The following ASH1L variants were observed in gnomAD, a reference collection of about 807,000 sequenced individuals.
ASH1L encodes the protein ASH1 like histone lysine methyltransferase, also known as histone-lysine N-methyltransferase ASH1L.
Under a neutral mutation model 269.0 loss-of-function variants are expected in ASH1L, and 23 were observed. The ratio of observed to expected loss-of-function variants is 0.09; its 90% CI spans 0.06 to 0.12. ASH1L has a LOEUF of 0.12. Among genes scored for constraint, ASH1L ranks in the 10% least tolerant of loss-of-function variants. ASH1L has a pLI of 1.00. For missense variants in ASH1L, 2,912 were observed against 3,567.8 expected, an observed-to-expected ratio of 0.82 and a Z score of 4.68; for synonymous variants, 1,187 against 1,253.5, an observed-to-expected ratio of 0.95 and a Z score of 1.12.
Position 155,458,933 on chromosome 1 carries a change from G to A in ASH1L, c.5086+864C>T, listed in dbSNP as rs184858478. On this transcript the variant is annotated intron_variant, in intron 4 of 27. Transcript: ENST00000392403. ...AACCATCAGGAAAAGGCAGAAAACA[G>A]GTATAAATCATCCTCTCTCTTTTTT... 2.7e-5 allele frequency among the ~76,000 whole-genome samples: 4 copies of A among 148,796 alleles called. No individual in the cohort carries two copies. The East Asian group carries it at 7.9e-4, about 29-fold the overall frequency.
chr1:155,441,786 G>A (rs1461519832), intron 4 of ASH1L, among the ~76,000 whole-genome samples: 5 of 140,324 alleles, frequency 3.6e-5, no homozygotes, highest in Non-Finnish European at 7.6e-5. Context: ...TTTTTTTGGA[G>A]ACAGGGTCTC....
chr1:155,420,862 A>AG (rs1660619940), intron 5 of ASH1L, among the ~76,000 whole-genome samples: 1 of 150,512 alleles, frequency 6.6e-6, no homozygotes, highest in Admixed American at 6.7e-5. Flanking sequence ...AAAAAAAAAA[A>AG]ATCAAAGATA....
chr1:155,392,675 G>A (rs1433859380), intron 7 of ASH1L, among the ~76,000 whole-genome samples: 4 of 152,050 alleles, frequency 2.6e-5, no homozygotes, highest in African/African-American at 9.7e-5. Flanking sequence ...TTTTAGTGCA[G>A]ATGGGGTTTC....
chr1:155,358,711 A>C (rs1339251753), intron 13 of ASH1L: 1 of 152,066 alleles, frequency 6.6e-6, no homozygotes, highest in Non-Finnish European at 1.5e-5. Flanking sequence ...TAAAAAAAAA[A>C]AAAAACATGA....
chr1:155,551,403 G>A (rs1469909198), intron 1 of ASH1L, among the ~76,000 whole-genome samples: 1 of 152,098 alleles, frequency 6.6e-6, no homozygotes, highest in Non-Finnish European at 1.5e-5. Flanking sequence ...GCTCACGCCT[G>A]TAATCCCAGC....
chr1:155,399,628 G>A (rs1370602432), intron 6 of ASH1L, among the ~76,000 whole-genome samples: 1 of 151,910 alleles, frequency 6.6e-6, no homozygotes, highest in Non-Finnish European at 1.5e-5. Flanking sequence ...GATAAAGTGA[G>A]GCTGTCCCAC....
chr1:155,468,141 A>G (rs1302947260), intron 3 of ASH1L, among the ~76,000 whole-genome samples: 1 of 151,950 alleles, frequency 6.6e-6, no homozygotes, highest in Non-Finnish European at 1.5e-5. Context: ...TGTTCTGTAA[A>G]AGCTTCTCAG....
intron 1 of ASH1L, among the ~76,000 whole-genome samples, chr1:155,549,306 G>A (rs1192535154): frequency 6.6e-6 from 1 of 152,062 alleles, no homozygotes; most frequent in Non-Finnish European, 1.5e-5. Context: ...CCATGCCACT[G>A]CACTCTAGCC....
At chr1:155,373,431 G>A (rs1339564301) in intron 10 of ASH1L, among the ~76,000 whole-genome samples, 1 of 151,730 alleles carries the variant, frequency 6.6e-6, no homozygotes, top group Non-Finnish European at 1.5e-5. Context: ...GGGAACACAG[G>A]CGCGCACCAC....
intron 7 of ASH1L, among the ~76,000 whole-genome samples, chr1:155,380,809 T>C (rs1656873958): frequency 6.6e-6 from 1 of 151,514 alleles, no homozygotes; most frequent in Admixed American, 6.6e-5. Context: ...TTGTATTTTT[T>C]TTTTTTTTTT....
chr1:155,517,537 G>T (rs1668573096), intron 2 of ASH1L, among the ~76,000 whole-genome samples: 1 of 151,946 alleles, frequency 6.6e-6, no homozygotes, highest in Non-Finnish European at 1.5e-5. Context: ...GGAGGCTGAG[G>T]CAGGAGGCAG....
At chr1:155,385,901 C>G (rs1430455294) in intron 7 of ASH1L, among the ~76,000 whole-genome samples, 1 of 152,022 alleles carries the variant, frequency 6.6e-6, no homozygotes, top group Non-Finnish European at 1.5e-5. Context: ...TCCAATTTCC[C>G]AAGGGGTCTC....
intron 10 of ASH1L, among the ~76,000 whole-genome samples, chr1:155,371,331 T>C (rs1360441066): frequency 6.6e-6 from 1 of 152,214 alleles, no homozygotes; most frequent in South Asian, 2.1e-4. Flanking sequence ...GTGGATTACC[T>C]GAGGTCAGGA....
chr1:155,482,380 G>A lies in ASH1L; in HGVS notation c.490C>T (p.Arg164Cys), dbSNP rs1487074447. The A allele has an allele frequency of 3.7e-6, 6 of 1,613,906 alleles. No homozygotes were observed. In the South Asian group the frequency reaches 4.4e-5, roughly 12 times the overall value. The change falls in exon 3 of 28, where the codon CGT (arginine) becomes TGT (cysteine). Residue 164 changes from arginine (R) to cysteine (C), a missense_variant. Coordinates refer to ENST00000392403, the MANE Select transcript of ASH1L (RefSeq NM_018489.3). ...TTGTTTTCTCCCTGTGAATGAAGAC[G>A]GATGACTTCTTCAGACTGGCATTCA... ...AIECQSEEVI[R>C]LHSQGENNPL...
intron 1 of ASH1L, among the ~76,000 whole-genome samples, chr1:155,533,120 T>G (rs115665459): frequency 3.0e-4 from 45 of 152,000 alleles, no homozygotes; most frequent in African/African-American, 1.0e-3. Context: ...CATGCTTTGA[T>G]GGAACACTAT....
At chr1:155,451,147 A>G (rs1240668395) in intron 4 of ASH1L, among the ~76,000 whole-genome samples, 1 of 150,788 alleles carries the variant, frequency 6.6e-6, no homozygotes, top group Non-Finnish European at 1.5e-5. Flanking sequence ...CAGTGAGCTG[A>G]GATCTCTCCA....
intron 5 of ASH1L, among the ~76,000 whole-genome samples, chr1:155,417,526 ACAACT>A (rs1480132603): frequency 6.6e-6 from 1 of 152,234 alleles, no homozygotes; most frequent in Non-Finnish European, 1.5e-5. Context: ...AGCAATTCAC[ACAACT>A]CACACATGAT....
chr1:155,370,737 C>T (rs777510828), intron 11 of ASH1L, 40 bp downstream of exon 11: 7 of 1,613,218 alleles, frequency 4.3e-6, no homozygotes, highest in African/African-American at 1.3e-5. Flanking sequence ...TAATCTTATA[C>T]CTTGGCATTT....
intron 2 of ASH1L, among the ~76,000 whole-genome samples, chr1:155,498,552 C>T (rs956517355): frequency 1.3e-5 from 2 of 152,104 alleles, no homozygotes; most frequent in Non-Finnish European, 2.9e-5. Context: ...AGCGATTCTC[C>T]TCCCTCAGCC....
Sources: allele counts gnomAD v4.1 joint callset (sites outside exome capture counted in the v4.1 genomes callset), GRCh38; gene constraint gnomAD v4.1.1; transcripts MANE v1.5; gene names NCBI Gene and HGNC (gene_info 2026-07-23, HGNC 2026-07-21).